Variants in COX7B2 observed in about 807,000 individuals in gnomAD.
COX7B2 encodes the protein cytochrome c oxidase subunit 7B2, also known as cytochrome c oxidase subunit 7B2, mitochondrial.
For missense variants in COX7B2, 109 were observed against 95.9 expected (o/e 1.14, Z -0.57); for synonymous variants, 37 against 32.1 (o/e 1.15, Z -0.51).
chr4:46,891,650 A>G (rs958060635), intron 1 of COX7B2, among the ~76,000 whole-genome samples: 2 of 152,222 alleles, frequency 1.3e-5, no homozygotes, highest in African/African-American at 4.8e-5. Context: ...GTAGTAGACC[A>G]GTGAATTCAG....
At chr4:46,822,998 C>A (rs1388153215) in intron 2 of COX7B2, among the ~76,000 whole-genome samples, 1 of 152,110 alleles carries the variant, frequency 6.6e-6, no homozygotes, top group African/African-American at 2.4e-5. Context: ...GAGATGCCTG[C>A]ATGGAGAAGC....
intron 1 of COX7B2, among the ~76,000 whole-genome samples, chr4:46,898,599 A>G (rs1719908718): frequency 6.6e-6 from 1 of 151,512 alleles, no homozygotes; most frequent in Non-Finnish European, 1.5e-5. Context: ...TTATTTTTTT[A>G]TTTTTTGTAG....
At position 46,873,036 on chromosome 4, in the gene COX7B2, T is replaced by C. The variant is rs773917711; in HGVS notation, c.-104-28022A>G. Reference sequence around the variant, plus strand: ...CCCTCCCTGTGTCCATGTGTTCTCATTGTTCAACTCCCACTTATGAGTGAG... The same window carrying C: ...CCCTCCCTGTGTCCATGTGTTCTCACTGTTCAACTCCCACTTATGAGTGAG... On this transcript the variant is annotated intron_variant, in intron 1 of 2. Coordinates refer to ENST00000355591, the MANE Select transcript of COX7B2 (RefSeq NM_130902.3). Among the ~76,000 whole-genome samples, 7 of 143,750 alleles carry C rather than the reference T, an allele frequency of 4.9e-5. No homozygotes were observed. The East Asian group carries it at 9.3e-4, about 19-fold the overall frequency. 94.3% of individuals were successfully genotyped at this position (143,750 alleles called of 152,430 possible). A position where few individuals can be genotyped will look rare whatever the true frequency, so the allele number is the denominator to read the frequency against.
intron 2 of COX7B2, among the ~76,000 whole-genome samples, chr4:46,830,139 C>A (rs1027126819): frequency 3.3e-5 from 5 of 151,924 alleles, no homozygotes; most frequent in African/African-American, 1.2e-4. Flanking sequence ...GCCTGGCCAA[C>A]ATGGTGAAAC....
intron 1 of COX7B2, among the ~76,000 whole-genome samples, chr4:46,845,444 T>A (rs1045755796): frequency 1.3e-5 from 2 of 151,932 alleles, no homozygotes; most frequent in Non-Finnish European, 2.9e-5. Context: ...ACTTCTCTAA[T>A]GTTTGAGCCC....
At chr4:46,738,155 A>G (rs1463006808) in intron 2 of COX7B2, among the ~76,000 whole-genome samples, 3 of 152,104 alleles carry the variant, frequency 2.0e-5, no homozygotes, top group African/African-American at 7.2e-5. Flanking sequence ...AAGACACATA[A>G]CCAAAGAATG....
chr4:46,887,804 C>A (rs1719170944), intron 1 of COX7B2, among the ~76,000 whole-genome samples: 1 of 151,448 alleles, frequency 6.6e-6, no homozygotes, highest in Admixed American at 6.6e-5. Context: ...CAAGCAGTCA[C>A]TACCTGACTA....
At chr4:46,834,985 A>C (rs1319215801) in intron 2 of COX7B2, among the ~76,000 whole-genome samples, 1 of 152,184 alleles carries the variant, frequency 6.6e-6, no homozygotes, top group Admixed American at 6.5e-5. Context: ...ATAAACTGAT[A>C]ATTCATAAAA....
chr4:46,764,679 C>CA lies in COX7B2; in HGVS notation c.-49-29439dup, dbSNP rs11357133. ...TGGGCAACAAAGTGAGACTCCGCCT[C>CA]AAAAAAAAAAAAAAAAAGTAGAATA... is the stretch of plus-strand genomic sequence containing the variant. On this transcript the variant is annotated intron_variant, in intron 2 of 2. Coordinates refer to ENST00000355591, the MANE Select transcript of COX7B2 (RefSeq NM_130902.3). 1.6e-4 allele frequency among the ~76,000 whole-genome samples: 21 copies of CA among 129,056 alleles called. No homozygotes were observed. The East Asian group carries it at 2.6e-3, about 16-fold the overall frequency. 84.7% of individuals were successfully genotyped at this position (129,056 alleles called of 152,430 possible). A position where few individuals can be genotyped will look rare whatever the true frequency, so the allele number is the denominator to read the frequency against.
intron 2 of COX7B2, among the ~76,000 whole-genome samples, chr4:46,784,842 TG>T (rs1717665527): frequency 6.6e-6 from 1 of 152,254 alleles, no homozygotes; most frequent in Admixed American, 6.5e-5. Context: ...TACACAGTTT[TG>T]TATTTGTAAA....
At chr4:46,741,571 T>G (rs1417182007) in intron 2 of COX7B2, among the ~76,000 whole-genome samples, 1 of 152,052 alleles carries the variant, frequency 6.6e-6, no homozygotes, top group Non-Finnish European at 1.5e-5. Context: ...ACTTAAAATC[T>G]AAGAAAATAA....
rs74987818 is a variant in COX7B2 at position 46,779,765 on chromosome 4, T to TA, written c.-49-44525dup. ...ATCAAACTAAACCAAATAAAAAAAT[T>TA]AAAAAAAAAAAACTTGAATACAAGG... On this transcript the variant is annotated intron_variant, in intron 2 of 2. Transcript: ENST00000355591. Among the ~76,000 whole-genome samples, 608 of 143,774 alleles carry TA rather than the reference T, an allele frequency of 4.2e-3. 4 individuals carry two copies. Among genetic ancestry groups the TA allele is most frequent in the African/African-American group, 7.6e-3 (299 of 39,372 alleles). The allele number at this position is 143,774 out of a possible 152,430, so 94.3% of individuals were successfully genotyped here.
chr4:46,899,616 T>A, intron 1 of COX7B2, among the ~76,000 whole-genome samples: 1 of 152,170 alleles, frequency 6.6e-6, no homozygotes, highest in Non-Finnish European at 1.5e-5. Flanking sequence ...TAGTTGGCCT[T>A]TCATGAGAAA....
At chr4:46,814,409 CT>C (rs1417563938) in intron 2 of COX7B2, among the ~76,000 whole-genome samples, 7 of 152,180 alleles carry the variant, frequency 4.6e-5, no homozygotes, top group African/African-American at 1.2e-4. Context: ...CATAATGTGT[CT>C]CTTTAAGTGG....
At chr4:46,873,392 TC>T (rs1039717894) in intron 1 of COX7B2, among the ~76,000 whole-genome samples, 3 of 152,290 alleles carry the variant, frequency 2.0e-5, no homozygotes, top group Admixed American at 6.5e-5. Context: ...CCTTGAGGAA[TC>T]GCCACACTGT....
At position 46,800,340 on chromosome 4, in the gene COX7B2, G is replaced by A. The variant is rs114068677; in HGVS notation, c.-50+44620C>T. ...ATCCTAAGCAAAAAGAACAAAGCTG[G>A]AGGCATCACAGTACTAAACTTTATA... On this transcript the variant is annotated intron_variant, in intron 2 of 2. Coordinates refer to ENST00000355591, the MANE Select transcript of COX7B2 (RefSeq NM_130902.3). 8.9e-3 allele frequency among the ~76,000 whole-genome samples: 1,352 copies of A among 152,122 alleles called. 29 individuals carry two copies. The highest frequency in any genetic ancestry group is 0.03 in the African/African-American group (1,239 of 41,518).
chr4:46,891,026 T>C (rs917660998), intron 1 of COX7B2, among the ~76,000 whole-genome samples: 3 of 152,078 alleles, frequency 2.0e-5, no homozygotes, highest in African/African-American at 7.2e-5. Flanking sequence ...ACAGTGGAAA[T>C]GAAGAGGAAT....
chr4:46,796,383 C>G (rs1446240294), intron 2 of COX7B2, among the ~76,000 whole-genome samples: 1 of 147,460 alleles, frequency 6.8e-6, no homozygotes, highest in Non-Finnish European at 1.5e-5. Context: ...AAATCAAAAC[C>G]ACTATGAGAT....
intron 2 of COX7B2, among the ~76,000 whole-genome samples, chr4:46,817,936 C>T (rs1464562792): frequency 6.6e-6 from 1 of 152,206 alleles, no homozygotes; most frequent in Non-Finnish European, 1.5e-5. Context: ...ACGCATTTCT[C>T]AGCAGAACAC....
Sources: gnomAD v4.1 joint callset for allele counts (sites outside exome capture counted in the v4.1 genomes callset) on GRCh38, gnomAD v4.1.1 for gene constraint, MANE v1.5 for transcripts, NCBI Gene and HGNC (gene_info 2026-07-23, HGNC 2026-07-21) for gene names.